CPNE1: variants seen among roughly 807,000 people sequenced by gnomAD.
The protein encoded by CPNE1 is copine 1, also known as copine-1.
CPNE1 carries 58 observed loss-of-function variants against 63.2 expected under a neutral mutation model. That is an observed-to-expected ratio of 0.92 (90% CI 0.74 to 1.14). The LOEUF (loss-of-function observed/expected upper bound fraction) is 1.14, where lower values mean the gene tolerates loss of function less well. Ranked by LOEUF, CPNE1 falls within the 50% of genes most tolerant of loss-of-function variation. The probability of loss-of-function intolerance (pLI) is 0.00; values close to 1 mark genes in which losing one functional copy is unlikely to be tolerated. For synonymous variants in CPNE1, 237 were observed against 249.0 expected, an observed-to-expected ratio of 0.95 and a Z score of 0.45; for missense variants, 672 against 661.7, an observed-to-expected ratio of 1.02 and a Z score of -0.17.
In CPNE1 at chr20:35,631,159, G is replaced by A. The variant is rs571154925; in HGVS notation, c.816C>T (p.Tyr272=). 1 of 1,614,144 alleles carries A rather than the reference G, an allele frequency of 6.2e-7. No individual in the cohort carries two copies. The highest frequency in any genetic ancestry group is 2.2e-5 in the East Asian group (1 of 44,878). ...RVKICRVETE[Y]SFLDYVMGGC... ...CTCCCATCACATAGTCCAGAAAGGA[G>A]TACTCTGTTTCTACCTGCAAATGAA... Residue 272 remains tyrosine, a synonymous_variant, in exon 10 of 16, where the codon TAC becomes TAT. Transcript: ENST00000397443.
intron 1 of CPNE1, among the ~76,000 whole-genome samples, chr20:35,647,957 T>C (rs2033237854): frequency 1.3e-5 from 2 of 149,990 alleles, no homozygotes; most frequent in South Asian, 4.2e-4. Context: ...TCTCAGCTAC[T>C]GAGAGGCTGA....
chr20:35,662,284 C>T (rs752265055), intron 1 of CPNE1, among the ~76,000 whole-genome samples: 7 of 152,202 alleles, frequency 4.6e-5, no homozygotes, highest in Non-Finnish European at 8.8e-5. Context: ...ATTTTCACTT[C>T]AGAGCAAAAT....
chr20:35,647,916 AT>A (rs1291552336), intron 1 of CPNE1, among the ~76,000 whole-genome samples: 4 of 149,774 alleles, frequency 2.7e-5, no homozygotes, highest in African/African-American at 1.0e-4. Flanking sequence ...AAAAAAAAAA[AT>A]TAGCTGGGCT....
intron 1 of CPNE1, among the ~76,000 whole-genome samples, chr20:35,660,533 C>T (rs978479436): frequency 4.6e-5 from 7 of 152,054 alleles, no homozygotes; most frequent in Non-Finnish European, 7.4e-5. Flanking sequence ...CTAACTAAGT[C>T]TAAGGAGTTT....
intron 1 of CPNE1, among the ~76,000 whole-genome samples, chr20:35,647,171 G>A (rs2146323978): frequency 6.6e-6 from 1 of 152,086 alleles, no homozygotes; most frequent in Admixed American, 6.5e-5. Context: ...AAAATTAGCT[G>A]GGCATGGTGG....
chr20:35,656,679 C>T (rs147966350), intron 1 of CPNE1, among the ~76,000 whole-genome samples: 229 of 152,308 alleles, frequency 1.5e-3, no homozygotes, highest in African/African-American at 5.1e-3. Flanking sequence ...GGATTACAGG[C>T]ATGCGCCACC....
intron 1 of CPNE1, chr20:35,652,727 T>C: frequency 6.2e-7 from 1 of 1,614,056 alleles, no homozygotes; most frequent in Non-Finnish European, 8.5e-7. Flanking sequence ...ATAGACACAG[T>C]AAAGGGCATG....
At chr20:35,638,045 T>A (rs1441435191) in intron 1 of CPNE1, among the ~76,000 whole-genome samples, 1 of 152,238 alleles carries the variant, frequency 6.6e-6, no homozygotes, top group African/African-American at 2.4e-5. Flanking sequence ...GTGACTGACT[T>A]AACATTGAAG....
intron 1 of CPNE1, 52 bp downstream of exon 1, chr20:35,664,698 CCACCAAGGGG>C (rs1208990105): frequency 1.3e-5 from 2 of 152,378 alleles, no homozygotes; most frequent in South Asian, 2.1e-4. Flanking sequence ...CCGCCCCGGG[CCACCAAGGGG>C]CACCACGAGC....
chr20:35,628,168 C>T (rs1272871579), intron 13 of CPNE1, among the ~76,000 whole-genome samples: 1 of 151,808 alleles, frequency 6.6e-6, no homozygotes, highest in Non-Finnish European at 1.5e-5. Context: ...GCCTGTAGTC[C>T]CAGCTACTCG....
At chr20:35,643,757 T>C (rs985921104) in intron 1 of CPNE1, among the ~76,000 whole-genome samples, 4 of 151,990 alleles carry the variant, frequency 2.6e-5, no homozygotes, top group Non-Finnish European at 4.4e-5. Context: ...ACAAAGTAAG[T>C]TCAGGTCCCC....
At chr20:35,648,041 G>C (rs946276812) in intron 1 of CPNE1, among the ~76,000 whole-genome samples, 1 of 150,626 alleles carries the variant, frequency 6.6e-6, no homozygotes, top group Non-Finnish European at 1.5e-5. Flanking sequence ...CTCCAGCCTG[G>C]GCAACAGATA....
At chr20:35,649,935 CCATA>C (rs2033387783) in intron 1 of CPNE1, 1 of 152,440 alleles carries the variant, frequency 6.6e-6, no homozygotes, top group Non-Finnish European at 1.5e-5. Context: ...ATCCTTCATA[CCATA>C]CAAAGCAAAT....
intron 15 of CPNE1, 57 bp downstream of exon 15, chr20:35,626,510 C>T: frequency 6.3e-7 from 1 of 1,592,622 alleles, no homozygotes; most frequent in Non-Finnish European, 8.6e-7. Flanking sequence ...CTCAACCCTA[C>T]TCACATCAGG....
rs142108005 is a variant in CPNE1, at chr20:35,653,063, T to A, written c.-1+11697A>T. On this transcript the variant is annotated intron_variant, in intron 1 of 15. Coordinates refer to ENST00000397443, the MANE Select transcript of CPNE1 (RefSeq NM_152925.3). ...AAACCACTGTTTCCAACTGAAGGCA[T>A]ACCAGGCCTAGCATCACCAAAGGCC... 1,546 of 1,613,808 alleles carry A rather than the reference T, an allele frequency of 9.6e-4. 2 individuals carry two copies. Among genetic ancestry groups the A allele is most frequent in the Non-Finnish European group, 1.3e-3 (1,500 of 1,180,044 alleles).
intron 1 of CPNE1, among the ~76,000 whole-genome samples, chr20:35,643,645 A>C (rs906070276): frequency 6.6e-6 from 1 of 152,172 alleles, no homozygotes; most frequent in Admixed American, 6.5e-5. Flanking sequence ...TGGCAGGCTG[A>C]GGCAGGAGAA....
chr20:35,645,428 T>C (rs1178983987), intron 1 of CPNE1, among the ~76,000 whole-genome samples: 1 of 152,196 alleles, frequency 6.6e-6, no homozygotes, highest in Non-Finnish European at 1.5e-5. Flanking sequence ...CACTACCTGG[T>C]TCCCGTGGTA....
chr20:35,649,784 A>G (rs1015768489), intron 1 of CPNE1: 1 of 152,260 alleles, frequency 6.6e-6, no homozygotes, highest in African/African-American at 2.4e-5. Context: ...AAGGGAGAGG[A>G]AAAAAAATTA....
chr20:35,660,600 G>T (rs948560305), intron 1 of CPNE1, among the ~76,000 whole-genome samples: 3 of 152,180 alleles, frequency 2.0e-5, no homozygotes, highest in Admixed American at 1.3e-4. Context: ...AAAGGAAAAT[G>T]TGAAACAGAA....
Sources: allele counts gnomAD v4.1 joint callset (sites outside exome capture counted in the v4.1 genomes callset), GRCh38; gene constraint gnomAD v4.1.1; transcripts MANE v1.5; gene names NCBI Gene and HGNC (gene_info 2026-07-23, HGNC 2026-07-21).